The following ANKRD18B variants were observed in gnomAD, a reference collection of about 807,000 sequenced individuals.
ANKRD18B encodes the protein ankyrin repeat domain 18B.
In ANKRD18B, 75 loss-of-function variants were observed where a neutral mutation model predicts 111.8. The observed-to-expected ratio is 0.67, with a 90% CI of 0.56 to 0.81. ANKRD18B has a LOEUF of 0.81. Among genes scored for constraint, ANKRD18B ranks in the 40% least tolerant of loss-of-function variants. The probability of loss-of-function intolerance (pLI) is 0.00; values close to 1 mark genes in which losing one functional copy is unlikely to be tolerated. For missense variants in ANKRD18B, 1,038 were observed against 1,225.5 expected, an observed-to-expected ratio of 0.85 and a Z score of 2.28; for synonymous variants, 356 against 417.3, an observed-to-expected ratio of 0.85 and a Z score of 1.79.
chr9:33,535,717 A>T (rs1174691076), intron 5 of ANKRD18B, among the ~76,000 whole-genome samples: 1 of 146,304 alleles, frequency 6.8e-6, no homozygotes, highest in African/African-American at 2.5e-5. Context: ...TTTTATATTT[A>T]TATTATTTTA....
chr9:33,568,881 C>T lies in ANKRD18B; in HGVS notation c.3165C>T (p.Asn1055=), dbSNP rs1334713592. 5 of 1,549,300 alleles carry T rather than the reference C, an allele frequency of 3.2e-6. No homozygotes were observed. Among genetic ancestry groups the T allele is most frequent in the Non-Finnish European group, 4.4e-6 (5 of 1,146,030 alleles). Residue 1055 remains asparagine (N), a synonymous_variant, in exon 17 of 19, where the codon AAC becomes AAT. Transcript: ENST00000684830. ...SNPQTSNNCK[N]SLTEMELDCA... ...CACAGACTTCAAATAACTGCAAGAA[C>T]TCCTTGACTGAGGTTAGTTATATGA...
At chr9:33,530,051 A>C (rs1438009131) in intron 3 of ANKRD18B, among the ~76,000 whole-genome samples, 1 of 152,178 alleles carries the variant, frequency 6.6e-6, no homozygotes, top group African/African-American at 2.4e-5. Context: ...TGTTATACCC[A>C]CACCCAGGAA....
chr9:33,533,674 A>T (rs1054249663), intron 4 of ANKRD18B, 129 bp downstream of exon 4: 65 of 1,407,058 alleles, frequency 4.6e-5, no homozygotes, highest in Non-Finnish European at 5.8e-5. Flanking sequence ...GTAAAAAATA[A>T]CATGAATAAT....
At chr9:33,566,605 AC>A (rs1190032530) in intron 15 of ANKRD18B, 105 bp downstream of exon 15, 2 of 1,366,546 alleles carry the variant, frequency 1.5e-6, no homozygotes, top group African/African-American at 3.0e-5. Context: ...TGCCTCTCTT[AC>A]GGCAATTTCC....
At chr9:33,570,406 C>T (rs1828752406) in intron 17 of ANKRD18B, among the ~76,000 whole-genome samples, 1 of 150,148 alleles carries the variant, frequency 6.7e-6, no homozygotes, top group Non-Finnish European at 1.5e-5. Context: ...CCTCAATATA[C>T]TTTTGGAAGA....
chr9:33,539,084 T>A (rs551858787), intron 6 of ANKRD18B, among the ~76,000 whole-genome samples: 82 of 152,342 alleles, frequency 5.4e-4, no homozygotes, highest in African/African-American at 1.9e-3. Context: ...TTCAAATACT[T>A]GTCCACTTAA....
At chr9:33,535,329 A>G (rs1410741539) in intron 5 of ANKRD18B, among the ~76,000 whole-genome samples, 1 of 152,090 alleles carries the variant, frequency 6.6e-6, no homozygotes, top group Non-Finnish European at 1.5e-5. Flanking sequence ...TCAGTCGCCC[A>G]GGCTGGAGTG....
intron 12 of ANKRD18B, among the ~76,000 whole-genome samples, chr9:33,551,919 C>G (rs1453299785): frequency 2.0e-5 from 3 of 152,182 alleles, no homozygotes; most frequent in Admixed American, 6.5e-5. Context: ...CTCTCACTGA[C>G]CTTACATCTC....
At chr9:33,541,876 T>C (rs962348783) in intron 9 of ANKRD18B, among the ~76,000 whole-genome samples, 3 of 152,188 alleles carry the variant, frequency 2.0e-5, no homozygotes, top group South Asian at 4.1e-4. Flanking sequence ...TCTGCAGCCC[T>C]TTCTCTGTCT....
At chr9:33,567,449 A>G (rs540582759) in intron 16 of ANKRD18B, 135 bp downstream of exon 16, 444 of 703,856 alleles carry the variant, frequency 6.3e-4, no homozygotes, top group South Asian at 2.1e-3. Context: ...TTGGAAAATA[A>G]TGTTAGTAAA....
At chr9:33,574,588 T>C (rs1395646288), downstream of ANKRD18B, 1 of 152,848 alleles carries the variant, frequency 6.5e-6, no homozygotes, top group East Asian at 1.9e-4. Context: ...AGGACCACCC[T>C]TGGTGGAGAG....
chr9:33,559,773 A>G (rs1828579292), intron 14 of ANKRD18B, among the ~76,000 whole-genome samples: 1 of 152,208 alleles, frequency 6.6e-6, no homozygotes, highest in Non-Finnish European at 1.5e-5. Context: ...CACTAGTACC[A>G]AATAAATTTT....
At position 33,567,261 on chromosome 9, in the gene ANKRD18B, A is replaced by C. The variant is rs1427661354; in HGVS notation, c.2901A>C (p.Glu967Asp). Residue 967 changes from glutamate to aspartate, a missense_variant, in exon 16 of 19, where the codon GAA becomes GAC. Physicochemically the swap from Glu to Asp is conservative, Grantham distance 45. Transcript: ENST00000684830. ...CAACTGAATTAGAAGAGTATAAGGA[A>C]GCCTTTGCAGTAGCATTGAAAGCTA... ...DVTTELEEYK[E>D]AFAVALKANS... The C allele has an allele frequency of 1.9e-6, 3 of 1,548,564 alleles. No homozygotes were observed. The highest frequency in any genetic ancestry group is 2.6e-6 in the Non-Finnish European group (3 of 1,145,978).
intron 1 of ANKRD18B, among the ~76,000 whole-genome samples, chr9:33,525,087 G>A (rs1035721856): frequency 6.6e-6 from 1 of 152,244 alleles, no homozygotes; most frequent in African/African-American, 2.4e-5. Context: ...GGGACACTTG[G>A]AAGTGGGAGG....
chr9:33,537,786 A>C (rs1828223181), intron 6 of ANKRD18B, among the ~76,000 whole-genome samples: 1 of 152,244 alleles, frequency 6.6e-6, no homozygotes, highest in Non-Finnish European at 1.5e-5. Context: ...TACTGATAAC[A>C]TGAACAGTCA....
intron 13 of ANKRD18B, among the ~76,000 whole-genome samples, chr9:33,557,339 G>A (rs1828541856): frequency 1.3e-5 from 2 of 151,722 alleles, no homozygotes; most frequent in South Asian, 2.1e-4. Flanking sequence ...TGTGGTCAAC[G>A]GATATCAAAA....
At chr9:33,540,510 T>C (rs1180977047) in intron 8 of ANKRD18B, among the ~76,000 whole-genome samples, 2 of 152,208 alleles carry the variant, frequency 1.3e-5, no homozygotes, top group Non-Finnish European at 2.9e-5. Context: ...TTTGTGATTC[T>C]CCAGCAAGAA....
chr9:33,542,215 G>A (rs1828289001), intron 9 of ANKRD18B, among the ~76,000 whole-genome samples: 2 of 149,522 alleles, frequency 1.3e-5, no homozygotes, highest in South Asian at 2.2e-4. Flanking sequence ...GCAACAAAGG[G>A]GATAGACATG....
chr9:33,526,851 G>T (rs1184531177), intron 1 of ANKRD18B, among the ~76,000 whole-genome samples: 1 of 151,996 alleles, frequency 6.6e-6, no homozygotes. Context: ...ATAACAAATA[G>T]CAAATATTAT....
Sources: gnomAD v4.1 joint callset for allele counts (sites outside exome capture counted in the v4.1 genomes callset) on GRCh38, gnomAD v4.1.1 for gene constraint, MANE v1.5 for transcripts, NCBI Gene and HGNC (gene_info 2026-07-23, HGNC 2026-07-21) for gene names.